The following ADCY2 variants were observed in gnomAD, a reference collection of about 807,000 sequenced individuals.
The protein encoded by ADCY2 is adenylate cyclase 2.
A neutral mutation model predicts 125.2 loss-of-function variants in ADCY2; 31 were observed. That is an observed-to-expected ratio of 0.25 (90% CI 0.19 to 0.33). The LOEUF is 0.33. Ranked by LOEUF, ADCY2 falls within the 10% of genes least tolerant of loss-of-function variation. The pLI, the probability that ADCY2 is intolerant of heterozygous loss-of-function variation, is 1.00. For missense variants in ADCY2, 904 were observed against 1,418.2 expected (o/e 0.64, Z 5.82); for synonymous variants, 512 against 548.4 (o/e 0.93, Z 0.93).
intron 3 of ADCY2, among the ~76,000 whole-genome samples, chr5:7,596,557 G>T (rs56693438): frequency 0.055 from 8,383 of 152,274 alleles, 271 homozygotes; most frequent in Middle Eastern, 0.11. Context: ...GCTGAGCTGG[G>T]AGCTCTGGAG....
At chr5:7,408,249 A>G (rs890613061) in intron 1 of ADCY2, among the ~76,000 whole-genome samples, 1 of 151,924 alleles carries the variant, frequency 6.6e-6, no homozygotes, top group Non-Finnish European at 1.5e-5. Context: ...CTGACACCTA[A>G]GCAACTCAGT....
At chr5:7,599,901 G>T (rs1327117896) in intron 3 of ADCY2, among the ~76,000 whole-genome samples, 1 of 152,152 alleles carries the variant, frequency 6.6e-6, no homozygotes, top group African/African-American at 2.4e-5. Context: ...TTTGGCAATT[G>T]GAAAGGTTGT....
chr5:7,781,786 T>C (rs530596188), intron 18 of ADCY2, among the ~76,000 whole-genome samples: 1 of 152,312 alleles, frequency 6.6e-6, no homozygotes, highest in South Asian at 2.1e-4. Flanking sequence ...AATGTACCTC[T>C]CCCTGACTCC....
At chr5:7,753,582 T>C (rs1399256670) in intron 15 of ADCY2, among the ~76,000 whole-genome samples, 2 of 152,224 alleles carry the variant, frequency 1.3e-5, no homozygotes, top group East Asian at 3.8e-4. Context: ...CACCAGAGCC[T>C]TTAATACTTA....
chr5:7,686,818 A>T (rs1057300705), intron 4 of ADCY2, among the ~76,000 whole-genome samples: 2 of 152,216 alleles, frequency 1.3e-5, no homozygotes, highest in African/African-American at 4.8e-5. Flanking sequence ...ATGCCATAAT[A>T]GTGGGCTTTT....
chr5:7,771,420 A>C (rs1435546831), intron 17 of ADCY2, among the ~76,000 whole-genome samples: 2 of 152,196 alleles, frequency 1.3e-5, no homozygotes, highest in Admixed American at 1.3e-4. Context: ...ACCTGAAGTG[A>C]AGGGTGGCCT....
chr5:7,754,289 TA>T (rs1184007806), intron 15 of ADCY2, among the ~76,000 whole-genome samples: 1 of 152,226 alleles, frequency 6.6e-6, no homozygotes, highest in Non-Finnish European at 1.5e-5. Flanking sequence ...TCAAACACAG[TA>T]ACTTGTTTTA....
intron 3 of ADCY2, among the ~76,000 whole-genome samples, chr5:7,618,775 T>G (rs1050584737): frequency 7.9e-5 from 12 of 152,214 alleles, no homozygotes; most frequent in African/African-American, 2.9e-4. Context: ...TTTTAAGCAT[T>G]TAAGTCCACT....
chr5:7,644,307 C>A (rs1007840372), intron 4 of ADCY2, among the ~76,000 whole-genome samples: 3 of 152,086 alleles, frequency 2.0e-5, no homozygotes, highest in African/African-American at 7.2e-5. Context: ...CCTTCTGCTA[C>A]CCACATTTTT....
In ADCY2 at chr5:7,626,169, C is replaced by G. The variant is rs1235273811; in HGVS notation, c.573C>G (p.Ile191Met). ...PGGKEHLVWQ[I>M]LANVIIFICG... ...AGCAGCTCTTTCTGTCTCTTTAGAT[C>G]CTGGCCAATGTGATCATTTTCATCT... The change falls in exon 4 of 25, where the codon ATC becomes ATG. Residue 191 changes from isoleucine to methionine, a missense_variant and splice_region_variant. By Grantham distance (10) the Ile-to-Met change is conservative. Around this residue, in one of 7 missense-constraint regions of ADCY2, gnomAD observed 121 missense variants for 161.5 expected, o/e 0.75. Transcript: ENST00000338316. 6.2e-7 allele frequency: 1 copy of G among 1,612,724 alleles called. No homozygotes were observed. Among genetic ancestry groups the G allele is most frequent in the African/African-American group, 1.3e-5 (1 of 74,850 alleles).
intron 2 of ADCY2, among the ~76,000 whole-genome samples, chr5:7,464,565 A>G (rs1742035057): frequency 6.6e-6 from 1 of 152,192 alleles, no homozygotes; most frequent in African/African-American, 2.4e-5. Context: ...GTTATGCAGC[A>G]GTAGATAAGG....
chr5:7,612,885 G>A (rs551120044), intron 3 of ADCY2, among the ~76,000 whole-genome samples: 14 of 152,156 alleles, frequency 9.2e-5, no homozygotes, highest in Non-Finnish European at 1.3e-4. Context: ...GTGTGGTGGC[G>A]GGCGCCTGTA....
intron 4 of ADCY2, among the ~76,000 whole-genome samples, chr5:7,674,982 C>T (rs371728621): frequency 7.2e-5 from 11 of 151,982 alleles, no homozygotes; most frequent in South Asian, 2.1e-4. Flanking sequence ...GGTGAAACTC[C>T]GTCTCTACTA....
rs549624755 is a variant in ADCY2, at chr5:7,414,917, T to C, written c.408+147T>C. On this transcript the variant is annotated intron_variant, in intron 2 of 24. Coordinates refer to ENST00000338316, the MANE Select transcript of ADCY2 (RefSeq NM_020546.3). ...TTTTTCGATTTATATTGCTAAAATTTATTTTTAATCAACAAATTATAATTG... is the reference window on the plus strand; with the variant it reads ...TTTTTCGATTTATATTGCTAAAATTCATTTTTAATCAACAAATTATAATTG... 9.5e-6 allele frequency: 6 copies of C among 628,434 alleles called. No individual in the cohort carries two copies. In the South Asian group the frequency reaches 1.5e-4, roughly 15 times the overall value. 38.9% of individuals were successfully genotyped at this position (628,434 alleles called of 1,614,324 possible).
At position 7,802,435 on chromosome 5, in the gene ADCY2, T is replaced by C; in HGVS notation, c.2775+71T>C. ...TCACACCTGTGCACTTGAAGTTACT[T>C]CAGGATAGTGGCCTATCCCAAAAAA... On this transcript the variant is annotated intron_variant, in intron 21 of 24. Transcript: ENST00000338316. This position sits in a 1 kb window ranked among gnomAD's most constrained non-coding sequence, Gnocchi z 4.6. 9 of 1,537,508 alleles carry C rather than the reference T, an allele frequency of 5.9e-6. No homozygotes were observed. The highest frequency in any genetic ancestry group is 7.0e-6 in the Non-Finnish European group (8 of 1,139,144).
chr5:7,556,586 G>A (rs1158176479), intron 3 of ADCY2, among the ~76,000 whole-genome samples: 1 of 152,160 alleles, frequency 6.6e-6, no homozygotes, highest in Non-Finnish European at 1.5e-5. Context: ...TATGGCTTAT[G>A]CTTTTGAGGG....
intron 2 of ADCY2, among the ~76,000 whole-genome samples, chr5:7,510,333 T>G (rs1744007664): frequency 6.6e-6 from 1 of 152,176 alleles, no homozygotes; most frequent in Non-Finnish European, 1.5e-5. Context: ...GAATGAATGA[T>G]CCTTATCTGG....
chr5:7,775,872 T>C (rs546017062), intron 18 of ADCY2, among the ~76,000 whole-genome samples: 1 of 152,322 alleles, frequency 6.6e-6, no homozygotes, highest in Admixed American at 6.5e-5. Context: ...AATGGAAAGA[T>C]GAGTCTTAAC....
At chr5:7,457,151 C>T (rs574808282) in intron 2 of ADCY2, among the ~76,000 whole-genome samples, 8 of 152,274 alleles carry the variant, frequency 5.3e-5, no homozygotes, top group Admixed American at 2.6e-4. Flanking sequence ...TACAGAATGT[C>T]CCTACTTGAA....
Sources: allele counts gnomAD v4.1 joint callset (sites outside exome capture counted in the v4.1 genomes callset), GRCh38; gene constraint gnomAD v4.1.1; regional missense constraint gnomAD v4.1.1; non-coding constraint Gnocchi (gnomAD v3.1); transcripts MANE v1.5; gene names NCBI Gene and HGNC (gene_info 2026-07-23, HGNC 2026-07-21).